Variants in ARHGEF12 observed in about 807,000 individuals in gnomAD.
The protein encoded by ARHGEF12 is Rho guanine nucleotide exchange factor 12, also known as KMT2A/ARHGEF12 fusion protein.
ARHGEF12 carries 66 observed loss-of-function variants against 211.2 expected under a neutral mutation model. The observed-to-expected ratio is 0.31, with a 90% CI of 0.26 to 0.38. ARHGEF12 has a LOEUF of 0.38. Ranked by LOEUF, ARHGEF12 falls within the 10% of genes least tolerant of loss-of-function variation. The pLI is 1.00. For synonymous variants in ARHGEF12, 592 were observed against 638.4 expected, an observed-to-expected ratio of 0.93 and a Z score of 1.09; for missense variants, 1,429 against 1,869.5, an observed-to-expected ratio of 0.76 and a Z score of 4.34.
At chr11:120,475,586 C>G (rs1406432761) in intron 33 of ARHGEF12, 79 bp downstream of exon 33, 1 of 1,424,396 alleles carries the variant, frequency 7.0e-7, no homozygotes, top group Non-Finnish European at 9.7e-7. Flanking sequence ...GTCTCAATAA[C>G]ACAAGTGGCA....
At chr11:120,423,993 TATTA>T (rs540597747) in intron 6 of ARHGEF12, among the ~76,000 whole-genome samples, 4 of 152,220 alleles carry the variant, frequency 2.6e-5, no homozygotes, top group Non-Finnish European at 5.9e-5. Context: ...TATTTTTTAT[TATTA>T]ATTTTGACAA....
Position 120,420,812 on chromosome 11 carries a change from A to G in ARHGEF12, c.259A>G (p.Ser87Gly). The G allele has an allele frequency of 6.2e-7, 1 of 1,614,152 alleles. No homozygotes were observed. The highest frequency in any genetic ancestry group is 8.5e-7 in the Non-Finnish European group (1 of 1,180,002). Reference protein sequence around the residue: ...KDDNGFGLTVSGDNPVFVQSV... With the variant: ...KDDNGFGLTVGGDNPVFVQSV... ...TGACAATGGATTTGGGCTGACGGTC[A>G]GTGGAGACAATCCAGTCTTCGTACA... Residue 87 changes from serine (S) to glycine (G), a missense_variant, in exon 5 of 41, where the codon AGT (serine) becomes GGT (glycine). Transcript: ENST00000397843.
intron 31 of ARHGEF12, among the ~76,000 whole-genome samples, chr11:120,474,298 A>G (rs1946962111): frequency 6.6e-6 from 1 of 152,214 alleles, no homozygotes; most frequent in Admixed American, 6.5e-5. Flanking sequence ...ATCTGTTATC[A>G]TCTGTTTAGA....
At chr11:120,381,839 A>G (rs1179870686) in intron 1 of ARHGEF12, among the ~76,000 whole-genome samples, 2 of 152,118 alleles carry the variant, frequency 1.3e-5, no homozygotes, top group African/African-American at 4.8e-5. Flanking sequence ...CCTAGCAACT[A>G]CTAATTTATT....
At chr11:120,406,817 G>C (rs903908148) in intron 2 of ARHGEF12, among the ~76,000 whole-genome samples, 1 of 152,222 alleles carries the variant, frequency 6.6e-6, no homozygotes, top group East Asian at 1.9e-4. Flanking sequence ...CTCAGGCTCC[G>C]AAAGTGCTGG....
rs757815688 is a variant in ARHGEF12 at position 120,475,455 on chromosome 11, G to T, written c.3225G>T (p.Thr1075=). The change falls in exon 33 of 41, where the codon ACG becomes ACT. Residue 1075 remains threonine, a synonymous_variant. Transcript: ENST00000397843. ...CATCTACAGCTGATAGCAAACACAC[G>T]TTTAGCCCTGTCATTAAGTTGAGTA... The part of the protein sequence containing the change: ...ILASTADSKH[T]FSPVIKLSTV... 1.1e-5 allele frequency: 18 copies of T among 1,613,960 alleles called. No individual in the cohort carries two copies. The East Asian group carries it at 3.3e-4, about 30-fold the overall frequency.
chr11:120,417,102 A>G (rs1945052517), intron 4 of ARHGEF12, among the ~76,000 whole-genome samples: 1 of 152,156 alleles, frequency 6.6e-6, no homozygotes, highest in Non-Finnish European at 1.5e-5. Flanking sequence ...ACATTAAGCT[A>G]ACTACTTTAT....
At chr11:120,384,754 A>T (rs1208196718) in intron 1 of ARHGEF12, among the ~76,000 whole-genome samples, 1 of 152,162 alleles carries the variant, frequency 6.6e-6, no homozygotes, top group Non-Finnish European at 1.5e-5. Flanking sequence ...TTGCTTACAG[A>T]TTTAATTAGG....
intron 36 of ARHGEF12, 95 bp from the exon 37 acceptor site, chr11:120,478,061 T>TG (rs1324359956): frequency 1.3e-6 from 1 of 797,080 alleles, no homozygotes; most frequent in African/African-American, 1.7e-5. Flanking sequence ...GTTTATGGAT[T>TG]GTTTTTTTTT....
intron 1 of ARHGEF12, among the ~76,000 whole-genome samples, chr11:120,379,280 C>T (rs891218462): frequency 2.0e-5 from 3 of 151,932 alleles, no homozygotes; most frequent in African/African-American, 7.2e-5. Flanking sequence ...ATCTTACATA[C>T]TGTTACTAAA....
At chr11:120,442,254 G>T in intron 15 of ARHGEF12, 52 bp downstream of exon 15, 1 of 1,368,324 alleles carries the variant, frequency 7.3e-7, no homozygotes, top group Non-Finnish European at 1.0e-6. Flanking sequence ...TGGAATTATT[G>T]TCCTCCTGCT....
intron 15 of ARHGEF12, among the ~76,000 whole-genome samples, chr11:120,443,021 CT>C (rs371200953): frequency 1.3e-3 from 173 of 133,660 alleles, no homozygotes; most frequent in Middle Eastern, 3.8e-3. Flanking sequence ...GAGTGACTGT[CT>C]TTTTTTTTTT....
chr11:120,484,115 T>C (rs1465971156), intron 39 of ARHGEF12, among the ~76,000 whole-genome samples: 1 of 152,224 alleles, frequency 6.6e-6, no homozygotes, highest in Non-Finnish European at 1.5e-5. Flanking sequence ...ATGTGCTGCA[T>C]GACTATAGCT....
intron 25 of ARHGEF12, chr11:120,458,636 T>G (rs1009769927): frequency 9.1e-6 from 2 of 220,394 alleles, no homozygotes; most frequent in Non-Finnish European, 1.8e-5. Context: ...TGTATCGAAG[T>G]GCAGTGTTCT....
chr11:120,367,008 T>G (rs865945606), intron 1 of ARHGEF12, among the ~76,000 whole-genome samples: 4 of 147,488 alleles, frequency 2.7e-5, no homozygotes, highest in Non-Finnish European at 4.6e-5. Context: ...AGAGTGAGAC[T>G]CCATCTAAAA....
Position 120,347,183 on chromosome 11 carries a change from C to CCTTCCTTCCTTTCTTT in ARHGEF12, c.32+9911_32+9912insCCTTCCTTTCTTTCTT, listed in dbSNP as rs1555090041. ...TCCTTCCTTCCTTCCTTCCTTCCTT[C>CCTTCCTTCCTTTCTTT]CTTTCTTTCTTTCTTTCTTTCTCTT... On this transcript the variant is annotated intron_variant, in intron 1 of 40. Transcript: ENST00000397843. 4.1e-4 allele frequency among the ~76,000 whole-genome samples: 41 copies of CCTTCCTTCCTTTCTTT among 100,290 alleles called. 1 individual carries two copies. The highest frequency in any genetic ancestry group is 6.4e-4 in the South Asian group (2 of 3,120). 65.8% of individuals were successfully genotyped at this position (100,290 alleles called of 152,430 possible).
chr11:120,480,520 GGTGTGTGT>G (rs143487914), intron 38 of ARHGEF12, 90 bp downstream of exon 38: 2 of 1,040,168 alleles, frequency 1.9e-6, no homozygotes, highest in Non-Finnish European at 2.8e-6. Flanking sequence ...TTGGTATCCA[GGTGTGTGT>G]GTGTGTGTGT....
At chr11:120,433,741 G>A (rs1279039353) in intron 11 of ARHGEF12, among the ~76,000 whole-genome samples, 2 of 152,136 alleles carry the variant, frequency 1.3e-5, no homozygotes, top group Non-Finnish European at 2.9e-5. Context: ...CAGTCACAAG[G>A]TCAGGAGTTC....
In ARHGEF12 at chr11:120,487,436, C is replaced by T. The variant is rs1043467; in HGVS notation, c.*2359C>T. 1,362 of 216,686 alleles carry T rather than the reference C, an allele frequency of 6.3e-3. 20 individuals carry two copies. Among genetic ancestry groups the T allele is most frequent in the African/African-American group, 0.028 (1,260 of 44,514 alleles). The allele number at this position is 216,686 out of a possible 1,614,324, so 13.4% of individuals were successfully genotyped here. On this transcript the variant is annotated 3_prime_UTR_variant, in exon 41 of 41. Coordinates refer to ENST00000397843, the MANE Select transcript of ARHGEF12 (RefSeq NM_015313.3). ...TTTTTGAATGTTCTTTTTATCTTAC[C>T]GACCTAACTTCTCTTTTCCCTCCCA...
Sources: allele counts gnomAD v4.1 joint callset (sites outside exome capture counted in the v4.1 genomes callset), GRCh38; gene constraint gnomAD v4.1.1; transcripts MANE v1.5; gene names NCBI Gene and HGNC (gene_info 2026-07-23, HGNC 2026-07-21).